Variants in MYH6 observed in about 807,000 individuals in gnomAD.
MYH6 encodes myosin heavy chain 6.
A neutral mutation model predicts 223.2 loss-of-function variants in MYH6; 126 were observed. The observed-to-expected ratio is 0.56, with a 90% CI of 0.49 to 0.65. The LOEUF (loss-of-function observed/expected upper bound fraction) is 0.65. Ranked by LOEUF, MYH6 falls within the 30% of genes least tolerant of loss-of-function variation. The probability of loss-of-function intolerance (pLI) is 0.00; values close to 1 mark genes in which losing one functional copy is unlikely to be tolerated. For missense variants in MYH6, 2,040 were observed against 2,536.4 expected, an observed-to-expected ratio of 0.80 and a Z score of 4.20; for synonymous variants, 978 against 1,010.2, an observed-to-expected ratio of 0.97 and a Z score of 0.61.
In MYH6 at chr14:23,393,663, C is replaced by T; in HGVS notation, c.2928+3G>A. ...GGCTGAAGCCAGAGGGAGCTGCCCT[C>T]ACCTTGTTCTCTGTTGCATGCTTCT... On this transcript the variant is annotated splice_donor_region_variant and intron_variant, in intron 22 of 38. Transcript: ENST00000405093. The T allele has an allele frequency of 6.2e-7, 1 of 1,614,182 alleles. No homozygotes were observed. Among genetic ancestry groups the T allele is most frequent in the South Asian group, 1.1e-5 (1 of 91,084 alleles).
At position 23,383,339 on chromosome 14, in the gene MYH6, G is replaced by GGGGGGGGGGGCCCCCCCCCCCC; in HGVS notation, c.5566-20_5566-19insGGGGGGGGGGGGCCCCCCCCCC. On this transcript the variant is annotated intron_variant, in intron 36 of 38. Coordinates refer to ENST00000405093, the MANE Select transcript of MYH6 (RefSeq NM_002471.4). The stretch of plus-strand genomic sequence containing the variant: ...CCTCTGTCTGGGGGTGGGAGGGTGG[G>GGGGGGGGGGGCCCCCCCCCCCC]AGAAGCTGGTTTGGAGGGGGAGCAA... The GGGGGGGGGGGCCCCCCCCCCCC allele has an allele frequency of 9.2e-6, 1 of 108,190 alleles. No homozygotes were observed. Among genetic ancestry groups the GGGGGGGGGGGCCCCCCCCCCCC allele is most frequent in the East Asian group, 2.3e-4 (1 of 4,410 alleles). The allele number at this position is 108,190 out of a possible 1,614,324, so 6.7% of individuals were successfully genotyped here. A position where few individuals can be genotyped will look rare whatever the true frequency, so the allele number is the denominator to read the frequency against.
At chr14:23,401,680 C>T (rs1051155373) in intron 12 of MYH6, among the ~76,000 whole-genome samples, 2 of 152,226 alleles carry the variant, frequency 1.3e-5, no homozygotes, top group African/African-American at 4.8e-5. Context: ...GTTCTCTACC[C>T]CAGTGTCTAG....
intron 8 of MYH6, 112 bp downstream of exon 8, chr14:23,404,184 T>G (rs1016573564): frequency 4.5e-5 from 58 of 1,280,736 alleles, no homozygotes; most frequent in Non-Finnish European, 6.3e-5. Context: ...AACGTGTGCA[T>G]GTTGATATCC....
Position 23,383,339 on chromosome 14 carries a change from G to GGGGGGCCCCCCCCCCCCC in MYH6, c.5566-20_5566-19insGGGGGGGGGGGGGCCCCC. The GGGGGGCCCCCCCCCCCCC allele has an allele frequency of 3.7e-5, 4 of 108,182 alleles. No individual in the cohort carries two copies. Among genetic ancestry groups the GGGGGGCCCCCCCCCCCCC allele is most frequent in the Non-Finnish European group, 5.5e-5 (3 of 54,370 alleles). The allele number at this position is 108,182 out of a possible 1,614,324, so 6.7% of individuals were successfully genotyped here. On this transcript the variant is annotated intron_variant, in intron 36 of 38. Transcript: ENST00000405093. ...CCTCTGTCTGGGGGTGGGAGGGTGG[G>GGGGGGCCCCCCCCCCCCC]AGAAGCTGGTTTGGAGGGGGAGCAA...
At position 23,384,642 on chromosome 14, in the gene MYH6, C is replaced by G; in HGVS notation, c.5365G>C (p.Glu1789Gln). Reference protein sequence around the residue: ...AHLERMKKNMEQTIKDLQHRL... With the variant: ...AHLERMKKNMQQTIKDLQHRL... ...TGCTGCAGGTCCTTAATGGTCTGCT[C>G]CATGTTCTTCTTCATGCGCTCCAGG... The change falls in exon 36 of 39, where the codon GAG becomes CAG. Residue 1789 changes from glutamate to glutamine, a missense_variant. By Grantham distance (29) the Glu-to-Gln change is conservative. Around this residue, in one of 4 missense-constraint regions of MYH6, gnomAD observed 1,203 missense variants for 1,400.2 expected, o/e 0.86. Coordinates refer to ENST00000405093, the MANE Select transcript of MYH6 (RefSeq NM_002471.4). 3 of 1,614,158 alleles carry G rather than the reference C, an allele frequency of 1.9e-6. No individual in the cohort carries two copies. Among genetic ancestry groups the G allele is most frequent in the Non-Finnish European group, 2.5e-6 (3 of 1,180,048 alleles).
rs568057206 is a variant in MYH6 at position 23,407,592 on chromosome 14, G to A, written c.-30C>T. 152 of 1,178,588 alleles carry A rather than the reference G, an allele frequency of 1.3e-4. No homozygotes were observed. Among genetic ancestry groups the A allele is most frequent in the Non-Finnish European group, 1.5e-4 (137 of 941,386 alleles). 73.0% of individuals were successfully genotyped at this position (1,178,588 alleles called of 1,614,324 possible). A position where few individuals can be genotyped will look rare whatever the true frequency, so the allele number is the denominator to read the frequency against. ...AGTTCTCACCTGGTTATCCCTTCAC[G>A]GAGAATCCTGAAGAATCTGGACCGT... On this transcript the variant is annotated 5_prime_UTR_variant, in exon 2 of 39. Transcript: ENST00000405093. The surrounding 1 kb of genome is among the most constrained non-coding windows in gnomAD (Gnocchi z 5.6).
chr14:23,388,816 C>G (rs758046309), intron 29 of MYH6, 43 bp downstream of exon 29: 6 of 1,613,930 alleles, frequency 3.7e-6, no homozygotes, highest in African/African-American at 2.7e-5. Context: ...CCTCTCGCCC[C>G]TTCCTCTCTG....
intron 32 of MYH6, among the ~76,000 whole-genome samples, chr14:23,386,839 C>T (rs908250863): frequency 7.2e-5 from 11 of 152,144 alleles, no homozygotes; most frequent in Non-Finnish European, 1.2e-4. Flanking sequence ...AGGGTTTGGA[C>T]CTCACAATTG....
rs1891831667 is a variant in MYH6 at position 23,407,674 on chromosome 14, G to C, written c.-46-66C>G. 1.9e-6 allele frequency: 2 copies of C among 1,073,426 alleles called. No homozygotes were observed. The highest frequency in any genetic ancestry group is 4.9e-5 in the Admixed American group (1 of 20,578). The allele number at this position is 1,073,426 out of a possible 1,614,324, so 66.5% of individuals were successfully genotyped here. A position where few individuals can be genotyped will look rare whatever the true frequency, so the allele number is the denominator to read the frequency against. ...GGGCAGAGAGAAGAACAGATGAGGA[G>C]AGTGAAGAACAACAGAGGCAGGCCA... On this transcript the variant is annotated intron_variant, in intron 1 of 38. Coordinates refer to ENST00000405093, the MANE Select transcript of MYH6 (RefSeq NM_002471.4). This position sits in a 1 kb window ranked among gnomAD's most constrained non-coding sequence, Gnocchi z 5.6.
intron 28 of MYH6, 109 bp from the exon 29 acceptor site, chr14:23,389,164 G>A: frequency 1.5e-6 from 2 of 1,328,362 alleles, no homozygotes; most frequent in Admixed American, 2.5e-5. Context: ...TTCACCATGT[G>A]GGCTGATGTG....
chr14:23,396,683 T>C lies in MYH6; in HGVS notation c.2292+11A>G. On this transcript the variant is annotated intron_variant, in intron 19 of 38. Coordinates refer to ENST00000405093, the MANE Select transcript of MYH6 (RefSeq NM_002471.4). ...CTGCCCTGCAACCACCCAGTGGGGC[T>C]CTAGACTCACCTTGGTGTGGCCAAA... The C allele has an allele frequency of 1.2e-6, 2 of 1,614,012 alleles. No individual in the cohort carries two copies. Among genetic ancestry groups the C allele is most frequent in the South Asian group, 2.2e-5 (2 of 91,082 alleles).
At position 23,407,124 on chromosome 14, in the gene MYH6, G is replaced by A. The variant is rs765792077; in HGVS notation, c.100C>T (p.Arg34Cys). The A allele has an allele frequency of 1.5e-5, 24 of 1,614,104 alleles. No homozygotes were observed. The highest frequency in any genetic ancestry group is 1.6e-4 in the Middle Eastern group (1 of 6,084). ...LEAQTRPFDI[R>C]TECFVPDDKE... is the part of the protein sequence containing the mutation. ...TCATCGGGCACGAAGCACTCAGTGC[G>A]AATGTCAAAGGGCCGGGTCTGGGCC... is the stretch of plus-strand genomic sequence containing the variant. The change falls in exon 3 of 39, where the codon CGC becomes TGC. Residue 34 changes from arginine (R) to cysteine (C), a missense_variant. This residue lies in a region of MYH6 where 184 missense variants were observed against 232.4 expected (regional missense o/e 0.79). Transcript: ENST00000405093. The surrounding 1 kb of genome is among the most constrained non-coding windows in gnomAD (Gnocchi z 5.6).
intron 38 of MYH6, 33 bp from the exon 39 acceptor site, chr14:23,382,096 C>A (rs1222194004): frequency 6.3e-7 from 1 of 1,592,610 alleles, no homozygotes; most frequent in Admixed American, 1.7e-5. Flanking sequence ...GAGGGGGCAG[C>A]TGGCAAGAGG....
In MYH6 at chr14:23,407,768, G is replaced by A. The variant is rs1406355309; in HGVS notation, c.-46-160C>T. ...ACCAGGGAGTCAGAAAGGGAAAGAC[G>A]CAGAGGCAGAAAAGAAAGGGCACCG... On this transcript the variant is annotated intron_variant, in intron 1 of 38. Transcript: ENST00000405093. The surrounding 1 kb of genome is among the most constrained non-coding windows in gnomAD (Gnocchi z 5.6). Among the ~76,000 whole-genome samples, 4 of 152,186 alleles carry A rather than the reference G, an allele frequency of 2.6e-5. No homozygotes were observed. The highest frequency in any genetic ancestry group is 4.1e-4 in the South Asian group (2 of 4,828).
chr14:23,383,481 G>C (rs554121424), intron 36 of MYH6, among the ~76,000 whole-genome samples, 161 bp from the exon 37 acceptor site: 1 of 152,264 alleles, frequency 6.6e-6, no homozygotes, highest in East Asian at 1.9e-4. Flanking sequence ...CTCTATCGTA[G>C]GTCAAAGGGG....
intron 8 of MYH6, 78 bp from the exon 9 acceptor site, chr14:23,403,856 GC>G: frequency 7.8e-7 from 1 of 1,280,206 alleles, no homozygotes; most frequent in Non-Finnish European, 1.1e-6. Context: ...CAGCCCAGAA[GC>G]CCTGGATGGT....
chr14:23,397,222 G>A lies in MYH6; in HGVS notation c.1998C>T (p.Thr666=). 6.2e-7 allele frequency: 1 copy of A among 1,614,222 alleles called. No homozygotes were observed. The highest frequency in any genetic ancestry group is 8.5e-7 in the Non-Finnish European group (1 of 1,180,034). The change falls in exon 17 of 39, where the codon ACC becomes ACT. Residue 666 remains threonine (T), a synonymous_variant. Transcript: ENST00000405093. Reference sequence around the variant, plus strand: ...TGCAACGCACAAAGTGAGGATGGGTGGTCCTCAGGTTGGTCATTAGCTTGT... The same window carrying A: ...TGCAACGCACAAAGTGAGGATGGGTAGTCCTCAGGTTGGTCATTAGCTTGT... ...NLNKLMTNLR[T]THPHFVRCII... is the part of the protein sequence containing the mutation.
At position 23,407,359 on chromosome 14, in the gene MYH6, G is replaced by A; in HGVS notation, c.-13-123C>T. 1 of 1,217,284 alleles carries A rather than the reference G, an allele frequency of 8.2e-7. No individual in the cohort carries two copies. The highest frequency in any genetic ancestry group is 1.2e-6 in the Non-Finnish European group (1 of 853,786). The allele number at this position is 1,217,284 out of a possible 1,614,324, so 75.4% of individuals were successfully genotyped here. On this transcript the variant is annotated intron_variant, in intron 2 of 38. Coordinates refer to ENST00000405093, the MANE Select transcript of MYH6 (RefSeq NM_002471.4). The surrounding 1 kb of genome is among the most constrained non-coding windows in gnomAD (Gnocchi z 5.6). ...CTCCTCCACCCTGGGAGAGGCACCT[G>A]CTGTTGCACCCTCCCCTACTCAGGG...
At position 23,397,941 on chromosome 14, in the gene MYH6, T is replaced by TTTTTCTTCTTCTTCC. The variant is rs1566512357; in HGVS notation, c.1892-329_1892-328insGGAAGAAGAAGAAAA. On this transcript the variant is annotated intron_variant, in intron 15 of 38. Transcript: ENST00000405093. ...CCTCCTCCTCCTCCTCCTCTTCTTC[T>TTTTTCTTCTTCTTCC]TCTTCTTCTTCTTCTTCTTCTTCTT... Among the ~76,000 whole-genome samples, 32 of 60,466 alleles carry TTTTTCTTCTTCTTCC rather than the reference T, an allele frequency of 5.3e-4. 1 individual carries two copies. The highest frequency in any genetic ancestry group is 1.4e-3 in the Admixed American group (8 of 5,644). 39.7% of individuals were successfully genotyped at this position (60,466 alleles called of 152,430 possible). A position where few individuals can be genotyped will look rare whatever the true frequency, so the allele number is the denominator to read the frequency against.
Sources: allele counts gnomAD v4.1 joint callset (sites outside exome capture counted in the v4.1 genomes callset), GRCh38; gene constraint gnomAD v4.1.1; regional missense constraint gnomAD v4.1.1; non-coding constraint Gnocchi (gnomAD v3.1); transcripts MANE v1.5; gene names NCBI Gene and HGNC (gene_info 2026-07-23, HGNC 2026-07-21).